ZNF124: variants seen among roughly 807,000 people sequenced by gnomAD.
ZNF124 encodes the protein zinc finger protein HZF-16.
Under a neutral mutation model 26.6 loss-of-function variants are expected in ZNF124, and 25 were observed. The ratio of observed to expected loss-of-function variants is 0.94; its 90% CI spans 0.68 to 1.31. The LOEUF (loss-of-function observed/expected upper bound fraction) is 1.31. Among genes scored for constraint, ZNF124 ranks in the 40% most tolerant of loss-of-function variants. The pLI is 0.00. For missense variants in ZNF124, 444 were observed against 422.2 expected, an observed-to-expected ratio of 1.05 and a Z score of -0.45; for synonymous variants, 129 against 133.3, an observed-to-expected ratio of 0.97 and a Z score of 0.22.
intron 3 of ZNF124, among the ~76,000 whole-genome samples, chr1:247,143,096 T>C (rs540540090): frequency 6.6e-6 from 1 of 152,286 alleles, no homozygotes; most frequent in East Asian, 1.9e-4. Context: ...TTCTATTTCA[T>C]CTCCATCCTG....
intron 3 of ZNF124, among the ~76,000 whole-genome samples, chr1:247,158,666 G>A (rs1673294054): frequency 6.6e-6 from 1 of 150,444 alleles, no homozygotes; most frequent in Non-Finnish European, 1.5e-5. Flanking sequence ...TTTTGCTCTT[G>A]TTTCCCTGGC....
intron 3 of ZNF124, among the ~76,000 whole-genome samples, chr1:247,125,237 T>G (rs1672180566): frequency 6.6e-6 from 1 of 152,086 alleles, no homozygotes; most frequent in South Asian, 2.1e-4. Flanking sequence ...GTACTAGCTT[T>G]TTTGTGGATG....
intron 3 of ZNF124, among the ~76,000 whole-genome samples, chr1:247,134,412 T>C (rs1672438435): frequency 6.6e-6 from 1 of 152,070 alleles, no homozygotes; most frequent in South Asian, 2.1e-4. Flanking sequence ...GAAGGAATAT[T>C]TACCAAGCAA....
chr1:247,157,444 C>T, intron 3 of ZNF124, 41 bp from the exon 4 acceptor site: 4 of 1,529,998 alleles, frequency 2.6e-6, no homozygotes, highest in Non-Finnish European at 3.5e-6. Context: ...TTTTCACACA[C>T]AATGCATTCA....
At chr1:247,160,624 C>G (rs1673428098) in intron 1 of ZNF124, among the ~76,000 whole-genome samples, 1 of 152,124 alleles carries the variant, frequency 6.6e-6, no homozygotes, top group African/African-American at 2.4e-5. Context: ...TTTGCTGAAC[C>G]CCTGTTTTCC....
intron 1 of ZNF124, among the ~76,000 whole-genome samples, chr1:247,166,918 C>T (rs1279392135): frequency 6.6e-6 from 1 of 152,174 alleles, no homozygotes; most frequent in Non-Finnish European, 1.5e-5. Flanking sequence ...CCATATTTAG[C>T]AGCACAGTAA....
At chr1:247,152,930 A>G (rs559358522), downstream of ZNF124, among the ~76,000 whole-genome samples, 92 of 152,236 alleles carry the variant, frequency 6.0e-4, no homozygotes, top group Non-Finnish European at 7.6e-4. Context: ...TCAGGAGATC[A>G]AGACCATCCT....
At chr1:247,162,618 CAAAA>C (rs201609845) in intron 1 of ZNF124, among the ~76,000 whole-genome samples, 4 of 78,558 alleles carry the variant, frequency 5.1e-5, no homozygotes, top group Admixed American at 1.2e-4. Flanking sequence ...TAACCCTTGG[CAAAA>C]AAAAAAAAAA....
chr1:247,151,245 C>G (rs962337184), downstream of ZNF124, among the ~76,000 whole-genome samples: 5 of 151,920 alleles, frequency 3.3e-5, no homozygotes, highest in Non-Finnish European at 7.4e-5. Flanking sequence ...TTTGGGAGGT[C>G]GAGGCGGGCG....
chr1:247,131,243 G>A (rs886086403), intron 3 of ZNF124, among the ~76,000 whole-genome samples: 1 of 152,156 alleles, frequency 6.6e-6, no homozygotes, highest in Non-Finnish European at 1.5e-5. Context: ...CTCCAGCCCA[G>A]GGAGGCAGTG....
chr1:247,162,516 A>T (rs1673537290), intron 1 of ZNF124, among the ~76,000 whole-genome samples: 1 of 152,016 alleles, frequency 6.6e-6, no homozygotes, highest in Admixed American at 6.5e-5. Context: ...AGGTTTGCGT[A>T]AGTACACGCT....
intron 3 of ZNF124, among the ~76,000 whole-genome samples, chr1:247,158,288 T>C (rs1038685304): frequency 6.6e-6 from 1 of 151,988 alleles, no homozygotes; most frequent in African/African-American, 2.4e-5. Context: ...CCAAAAACTT[T>C]GGCACTTCCT....
Position 247,156,782 on chromosome 1 carries a change from G to A in ZNF124, c.840C>T (p.His280=), listed in dbSNP as rs150765589. ...AFRYASSLQK[H]EKTHIAQKPY... The stretch of plus-strand genomic sequence containing the variant: ...GTTTCTGTGCAATATGAGTTTTCTC[G>A]TGTTTCTGAAGGGAACTGGCGTATC... Residue 280 remains histidine (H), a synonymous_variant, in exon 4 of 4, where the codon CAC becomes CAT. Coordinates refer to ENST00000543802, the MANE Select transcript of ZNF124 (RefSeq NM_001297568.2). 9.5e-5 allele frequency: 153 copies of A among 1,613,158 alleles called. No homozygotes were observed. In the African/African-American group the frequency reaches 1.4e-3, roughly 14 times the overall value.
chr1:247,131,168 G>C (rs750752498), intron 3 of ZNF124, among the ~76,000 whole-genome samples: 15 of 152,242 alleles, frequency 9.9e-5, no homozygotes, highest in Non-Finnish European at 1.8e-4. Flanking sequence ...GACCCATGGA[G>C]AGAAGGAAGA....
chr1:247,149,240 C>T (rs1324852547), intron 3 of ZNF124, among the ~76,000 whole-genome samples: 1 of 152,134 alleles, frequency 6.6e-6, no homozygotes. Context: ...GCAACATTCC[C>T]TTACATGTAT....
rs1471799052 is a variant in ZNF124 at position 247,155,797 on chromosome 1, C to G, written c.*769G>C. ...AATGGCGTGAACCTGGGAGGCAGAG[C>G]TTACAGTGAACTGAGATTGTGCCAC... On this transcript the variant is annotated 3_prime_UTR_variant, in exon 4 of 4. Transcript: ENST00000543802. 7 of 441,188 alleles carry G rather than the reference C, an allele frequency of 1.6e-5. No homozygotes were observed. The highest frequency in any genetic ancestry group is 2.2e-5 in the African/African-American group (1 of 45,276). The allele number at this position is 441,188 out of a possible 1,614,324, so 27.3% of individuals were successfully genotyped here.
chr1:247,149,350 T>C (rs1426009972), intron 3 of ZNF124, among the ~76,000 whole-genome samples: 3 of 152,226 alleles, frequency 2.0e-5, no homozygotes, highest in Non-Finnish European at 2.9e-5. Flanking sequence ...TCTGGGATTA[T>C]ATCCAAAGGA....
rs1673068953 is a variant in ZNF124 at position 247,155,401 on chromosome 1, A to G, written c.*1165T>C. On this transcript the variant is annotated 3_prime_UTR_variant, in exon 4 of 4. Coordinates refer to ENST00000543802, the MANE Select transcript of ZNF124 (RefSeq NM_001297568.2). Reference sequence around the variant, plus strand: ...ATTTTATACTTTAAATATTTAAAAAATATTTTTTAAAATGGCTATGCAAGA... The same window carrying G: ...ATTTTATACTTTAAATATTTAAAAAGTATTTTTTAAAATGGCTATGCAAGA... Among the ~76,000 whole-genome samples the G allele has an allele frequency of 6.6e-6, 1 of 152,018 alleles. No individual in the cohort carries two copies. The highest frequency in any genetic ancestry group is 2.1e-4 in the South Asian group (1 of 4,836).
rs184669798 is a variant in ZNF124 at position 247,165,703 on chromosome 1, T to C, written c.31-5890A>G. On this transcript the variant is annotated intron_variant, in intron 1 of 3. Coordinates refer to ENST00000543802, the MANE Select transcript of ZNF124 (RefSeq NM_001297568.2). ...ATCCAGAATCTGTAAGAAACTTAAA[T>C]AAATTAACAAGCAAAGAGGAAACAA... Among the ~76,000 whole-genome samples, 43 of 152,106 alleles carry C rather than the reference T, an allele frequency of 2.8e-4. 3 individuals carry two copies. The highest frequency in any genetic ancestry group is 2.6e-3 in the Admixed American group (40 of 15,276).
Sources: allele counts gnomAD v4.1 joint callset (sites outside exome capture counted in the v4.1 genomes callset), GRCh38; gene constraint gnomAD v4.1.1; transcripts MANE v1.5; gene names NCBI Gene and HGNC (gene_info 2026-07-23, HGNC 2026-07-21).